MACROD2: variants seen among roughly 807,000 people sequenced by gnomAD.
The protein encoded by MACROD2 is mono-ADP ribosylhydrolase 2, also known as ADP-ribose glycohydrolase MACROD2.
In MACROD2, 36 loss-of-function variants were observed where a neutral mutation model predicts 70.4. The observed-to-expected ratio is 0.51, with a 90% CI of 0.39 to 0.68. The LOEUF (loss-of-function observed/expected upper bound fraction) is 0.68. MACROD2 is among the 30% of genes least tolerant of loss of function. The pLI is 0.00. For missense variants in MACROD2, 496 were observed against 538.4 expected, an observed-to-expected ratio of 0.92 and a Z score of 0.78; for synonymous variants, 172 against 178.8, an observed-to-expected ratio of 0.96 and a Z score of 0.30.
At chr20:14,926,185 T>TA (rs1742201034) in intron 5 of MACROD2, among the ~76,000 whole-genome samples, 1 of 152,116 alleles carries the variant, frequency 6.6e-6, no homozygotes, top group South Asian at 2.1e-4. Context: ...TGTTTGTTTG[T>TA]TTTTTAATAG....
chr20:15,777,440 T>G (rs1286111742), intron 8 of MACROD2, among the ~76,000 whole-genome samples: 2 of 71,434 alleles, frequency 2.8e-5, no homozygotes, highest in Admixed American at 3.0e-4. Context: ...AGAGACATGT[T>G]TTTTTTTTTT....
chr20:15,033,866 C>T (rs1040116500), intron 5 of MACROD2, among the ~76,000 whole-genome samples: 8 of 152,172 alleles, frequency 5.3e-5, no homozygotes, highest in Non-Finnish European at 1.0e-4. Context: ...AAGGGTTCAA[C>T]AGACACAAGG....
chr20:15,068,448 T>C (rs1341138683), intron 5 of MACROD2, among the ~76,000 whole-genome samples: 1 of 152,174 alleles, frequency 6.6e-6, no homozygotes, highest in African/African-American at 2.4e-5. Flanking sequence ...AAGTCTCATA[T>C]AGAAATGTGA....
chr20:14,159,905 T>A (rs999446357), intron 3 of MACROD2, among the ~76,000 whole-genome samples: 2 of 152,182 alleles, frequency 1.3e-5, no homozygotes, highest in South Asian at 4.1e-4. Context: ...CTTCTATGCC[T>A]AGTTTGCTGA....
chr20:14,582,594 G>C (rs545594003), intron 4 of MACROD2, among the ~76,000 whole-genome samples: 1 of 152,236 alleles, frequency 6.6e-6, no homozygotes, highest in South Asian at 2.1e-4. Flanking sequence ...TTTTTGCAGA[G>C]AGAAAAATGG....
chr20:15,059,954 G>A (rs986336325), intron 5 of MACROD2, among the ~76,000 whole-genome samples: 6 of 152,164 alleles, frequency 3.9e-5, no homozygotes, highest in Non-Finnish European at 5.9e-5. Flanking sequence ...AAATAGTAAA[G>A]TATCTTCCTA....
At chr20:15,519,299 A>G (rs1455148099) in intron 8 of MACROD2, among the ~76,000 whole-genome samples, 1 of 151,578 alleles carries the variant, frequency 6.6e-6, no homozygotes, top group Non-Finnish European at 1.5e-5. Flanking sequence ...TGTTTTTTGA[A>G]TTTTTTAGTA....
At chr20:14,991,580 A>G (rs112027724) in intron 5 of MACROD2, among the ~76,000 whole-genome samples, 2,524 of 152,252 alleles carry the variant, frequency 0.017, 84 homozygotes, top group African/African-American at 0.058. Flanking sequence ...TATGATAAGG[A>G]CCAAGTTACT....
intron 3 of MACROD2, among the ~76,000 whole-genome samples, chr20:14,219,472 G>A (rs773287143): frequency 7.2e-5 from 11 of 151,874 alleles, no homozygotes; most frequent in African/African-American, 2.2e-4. Context: ...ATTGGGCTTC[G>A]CCTTTCTTTG....
intron 5 of MACROD2, among the ~76,000 whole-genome samples, chr20:15,159,913 C>T (rs2076335968): frequency 6.6e-6 from 1 of 151,856 alleles, no homozygotes; most frequent in Non-Finnish European, 1.5e-5. Flanking sequence ...TTGACTTTCC[C>T]AGGAAAATAC....
intron 3 of MACROD2, among the ~76,000 whole-genome samples, chr20:14,365,981 A>G (rs948447853): frequency 5.3e-5 from 8 of 152,158 alleles, no homozygotes; most frequent in African/African-American, 9.7e-5. Flanking sequence ...GATGACTTCA[A>G]TTTTTTAAAA....
At chr20:15,198,143 T>C (rs548359180) in intron 5 of MACROD2, among the ~76,000 whole-genome samples, 5 of 152,152 alleles carry the variant, frequency 3.3e-5, no homozygotes, top group Admixed American at 3.3e-4. Context: ...GTATTTTCAG[T>C]AGAGACGGGG....
intron 12 of MACROD2, among the ~76,000 whole-genome samples, chr20:15,952,855 G>A (rs2065924848): frequency 1.3e-5 from 2 of 152,080 alleles, no homozygotes; most frequent in South Asian, 4.1e-4. Flanking sequence ...ACAAGTTGAA[G>A]GCTGAATAAT....
At chr20:14,578,866 ACT>A (rs1313097426) in intron 4 of MACROD2, among the ~76,000 whole-genome samples, 1 of 151,980 alleles carries the variant, frequency 6.6e-6, no homozygotes, top group East Asian at 1.9e-4. Context: ...GGAGCGTGTG[ACT>A]CTGGTTTATG....
At chr20:14,376,455 G>GCC (rs2083371335) in intron 3 of MACROD2, among the ~76,000 whole-genome samples, 2 of 152,120 alleles carry the variant, frequency 1.3e-5, no homozygotes, top group Non-Finnish European at 2.9e-5. Context: ...TGAAAAGAAT[G>GCC]CACCCTGTGG....
At chr20:15,680,379 TTCTCC>T (rs1336408859) in intron 8 of MACROD2, among the ~76,000 whole-genome samples, 1 of 152,202 alleles carries the variant, frequency 6.6e-6, no homozygotes, top group Non-Finnish European at 1.5e-5. Flanking sequence ...TGCTGCTTCC[TTCTCC>T]TCTCATCAAC....
chr20:14,878,963 A>G (rs1404584198), intron 5 of MACROD2, among the ~76,000 whole-genome samples: 1 of 152,098 alleles, frequency 6.6e-6, no homozygotes, highest in African/African-American at 2.4e-5. Context: ...CCTTCATTAA[A>G]TGACCCTTTC....
chr20:14,331,985 A>G (rs572647199), intron 3 of MACROD2, among the ~76,000 whole-genome samples: 11 of 152,264 alleles, frequency 7.2e-5, no homozygotes, highest in Admixed American at 2.0e-4. Flanking sequence ...TTTTAGAAAA[A>G]TACTGTTAAT....
chr20:14,399,182 G>T (rs1007518864), intron 3 of MACROD2, among the ~76,000 whole-genome samples: 3 of 152,000 alleles, frequency 2.0e-5, no homozygotes, highest in African/African-American at 7.3e-5. Flanking sequence ...ACCACAACCG[G>T]CTAGGTTTTC....
Sources: allele counts gnomAD v4.1 joint callset (sites outside exome capture counted in the v4.1 genomes callset), GRCh38; gene constraint gnomAD v4.1.1; transcripts MANE v1.5; gene names NCBI Gene and HGNC (gene_info 2026-07-23, HGNC 2026-07-21).